YBEY: variants seen among roughly 807,000 people sequenced by gnomAD.
YBEY encodes the protein ybeY metalloendoribonuclease, also known as endoribonuclease YbeY.
A neutral mutation model predicts 13.5 loss-of-function variants in YBEY; 15 were observed. The ratio of observed to expected loss-of-function variants is 1.11; its 90% confidence interval spans 0.75 to 1.72. The LOEUF is 1.72. YBEY is among the 40% of genes most tolerant of loss of function. The pLI is 0.00. For missense variants in YBEY, 244 were observed against 208.4 expected (o/e 1.17, Z -1.05); for synonymous variants, 101 against 83.1 (o/e 1.21, Z -1.17).
intron 3 of YBEY, among the ~76,000 whole-genome samples, chr21:46,295,564 C>G (rs2081923641): frequency 6.6e-6 from 1 of 151,950 alleles, no homozygotes; most frequent in East Asian, 1.9e-4. Flanking sequence ...ATCCAGCCCT[C>G]TCTCCAGGGG....
Position 46,291,258 on chromosome 21 carries a change from A to G in YBEY, c.211-76A>G, listed in dbSNP as rs2081697806. On this transcript the variant is annotated intron_variant, in intron 2 of 4. Coordinates refer to ENST00000397701, the MANE Select transcript of YBEY (RefSeq NM_001314025.2). ...ATAAGTGCTTATTTGCCTTGGGATT[A>G]ACCAGGATGAAACCTGTCAACCTGT... The G allele has an allele frequency of 3.8e-6, 6 of 1,580,534 alleles. No homozygotes were observed. In the East Asian group the frequency reaches 1.4e-4, roughly 36 times the overall value.
At chr21:46,291,670 G>T in intron 3 of YBEY, 1 of 1,345,730 alleles carries the variant, frequency 7.4e-7, no homozygotes, top group South Asian at 1.8e-5. Context: ...AGAACACGCT[G>T]TGAAAACACA....
downstream of YBEY, chr21:46,301,107 A>C: frequency 9.9e-7 from 1 of 1,010,076 alleles, no homozygotes; most frequent in Non-Finnish European, 1.2e-6. Context: ...TATTAACTCA[A>C]AAGGGATCAC....
chr21:46,302,941 G>C, the YBEY span, among the ~76,000 whole-genome samples: 1 of 145,254 alleles, frequency 6.9e-6, no homozygotes, highest in African/African-American at 2.5e-5. Context: ...GGTCCCCGGG[G>C]CGCGCCCTGA....
downstream of YBEY, chr21:46,302,143 A>T: frequency 6.7e-7 from 1 of 1,496,962 alleles, no homozygotes; most frequent in Admixed American, 2.2e-5. Context: ...TCGGGGGCAC[A>T]TGTGGCGGGT....
downstream of YBEY, chr21:46,297,883 A>G (rs913446258): frequency 7.1e-6 from 6 of 847,540 alleles, no homozygotes; most frequent in African/African-American, 1.1e-4. Flanking sequence ...CTCGCCCTTC[A>G]AGGGGGTCCC....
the YBEY span, chr21:46,311,346 T>C: frequency 2.1e-6 from 1 of 487,058 alleles, no homozygotes; most frequent in Non-Finnish European, 3.7e-6. Flanking sequence ...ATTATTTTCA[T>C]GTTGAACAGC....
At chr21:46,302,373 G>T, downstream of YBEY, 1 of 1,089,220 alleles carries the variant, frequency 9.2e-7, no homozygotes, top group Non-Finnish European at 1.3e-6. Flanking sequence ...CCAGACTGTA[G>T]ACCTGAGCCA....
chr21:46,289,527 C>G (rs1008950101), intron 2 of YBEY, among the ~76,000 whole-genome samples: 3 of 147,058 alleles, frequency 2.0e-5, no homozygotes, highest in Non-Finnish European at 3.0e-5. Flanking sequence ...CTCACTGCAA[C>G]CTCCACCTCT....
At chr21:46,291,197 C>CAAA (rs878872964) in intron 2 of YBEY, 137 bp from the exon 3 acceptor site, 710 of 648,538 alleles carry the variant, frequency 1.1e-3, no homozygotes, top group South Asian at 2.0e-3. Context: ...AACTCCGTCT[C>CAAA]AAAAAAAAAA....
At chr21:46,297,278 C>T (rs2081983385) in intron 4 of YBEY, among the ~76,000 whole-genome samples, 1 of 148,210 alleles carries the variant, frequency 6.7e-6, no homozygotes, top group Admixed American at 6.7e-5. Flanking sequence ...CCCTTCCCAC[C>T]TCCCATGCCC....
At chr21:46,312,789 G>A in the YBEY span, among the ~76,000 whole-genome samples, 1 of 152,206 alleles carries the variant, frequency 6.6e-6, no homozygotes, top group Non-Finnish European at 1.5e-5. Context: ...CCCGTGGGTA[G>A]GATGGCCGCA....
chr21:46,291,931 C>T, intron 3 of YBEY: 2 of 732,376 alleles, frequency 2.7e-6, no homozygotes, highest in Non-Finnish European at 3.4e-6. Flanking sequence ...ACAGAGCTAG[C>T]CAAGCAGAAA....
the YBEY span, among the ~76,000 whole-genome samples, chr21:46,312,120 C>A: frequency 6.6e-6 from 1 of 152,168 alleles, no homozygotes; most frequent in Non-Finnish European, 1.5e-5. Context: ...CCTACACATC[C>A]ATTCATCCAT....
downstream of YBEY, chr21:46,301,440 C>T (rs2145874831): frequency 7.2e-6 from 7 of 976,184 alleles, no homozygotes; most frequent in South Asian, 2.9e-4. Flanking sequence ...AGCCATGCAC[C>T]CCTACTTCTT....
chr21:46,303,749 T>G, the YBEY span, among the ~76,000 whole-genome samples: 1 of 18,940 alleles, frequency 5.3e-5, no homozygotes, highest in Non-Finnish European at 9.8e-5. Flanking sequence ...ATATATATTT[T>G]TTTTTTTTTT....
chr21:46,302,548 G>A (rs764518860), downstream of YBEY: 16 of 1,612,548 alleles, frequency 9.9e-6, no homozygotes, highest in South Asian at 2.2e-5. Flanking sequence ...GCACCTGTGC[G>A]TTCTGCAGCA....
At chr21:46,288,143 A>G (rs1443898375) in intron 2 of YBEY, among the ~76,000 whole-genome samples, 2 of 152,244 alleles carry the variant, frequency 1.3e-5, no homozygotes, top group Admixed American at 6.5e-5. Context: ...GGATTCGTTA[A>G]TGAATATGTG....
intron 3 of YBEY, among the ~76,000 whole-genome samples, chr21:46,294,723 T>C (rs955293515): frequency 2.0e-5 from 3 of 151,614 alleles, no homozygotes; most frequent in South Asian, 4.2e-4. Context: ...CTCACTGTTA[T>C]CATTTTTGCA....
Sources: allele counts gnomAD v4.1 joint callset (sites outside exome capture counted in the v4.1 genomes callset), GRCh38; gene constraint gnomAD v4.1.1; transcripts MANE v1.5; gene names NCBI Gene and HGNC (gene_info 2026-07-23, HGNC 2026-07-21).